The following MAGI2 variants were observed in gnomAD, a reference collection of about 807,000 sequenced individuals.
MAGI2 encodes the protein membrane-associated guanylate kinase, WW and PDZ domain-containing protein 2.
Under a neutral mutation model 133.3 loss-of-function variants are expected in MAGI2, and 35 were observed. The ratio of observed to expected loss-of-function variants is 0.26; its 90% confidence interval spans 0.20 to 0.35. The LOEUF (loss-of-function observed/expected upper bound fraction) is 0.35. MAGI2 is among the 10% of genes least tolerant of loss of function. The pLI, the probability that MAGI2 is intolerant of heterozygous loss-of-function variation, is 1.00. For synonymous variants in MAGI2, 729 were observed against 710.6 expected (o/e 1.03, Z -0.41); for missense variants, 1,636 against 1,863.4 (o/e 0.88, Z 2.25).
chr7:79,204,546 G>A (rs921059782), intron 1 of MAGI2, among the ~76,000 whole-genome samples: 2 of 151,964 alleles, frequency 1.3e-5, no homozygotes, highest in East Asian at 1.9e-4. Context: ...ATCAACACAT[G>A]ACCACAGGGA....
At chr7:78,114,541 C>T (rs1437406058) in intron 20 of MAGI2, among the ~76,000 whole-genome samples, 1 of 152,228 alleles carries the variant, frequency 6.6e-6, no homozygotes, top group Non-Finnish European at 1.5e-5. Context: ...CCTCCCCAGT[C>T]CAGGCAAAGC....
At chr7:78,936,043 T>C (rs968257678) in intron 2 of MAGI2, among the ~76,000 whole-genome samples, 1 of 152,104 alleles carries the variant, frequency 6.6e-6, no homozygotes, top group African/African-American at 2.4e-5. Context: ...GTTTCCTCAG[T>C]TGAATCAAAG....
chr7:78,743,045 G>A (rs1430637194), intron 2 of MAGI2, among the ~76,000 whole-genome samples: 2 of 152,210 alleles, frequency 1.3e-5, no homozygotes, highest in Non-Finnish European at 2.9e-5. Context: ...GAGTGATCAT[G>A]AGTCTGAATT....
intron 4 of MAGI2, among the ~76,000 whole-genome samples, chr7:78,502,356 G>T (rs1035665389): frequency 6.6e-6 from 1 of 152,116 alleles, no homozygotes; most frequent in African/African-American, 2.4e-5. Context: ...CATAGACCAA[G>T]AAATATTAGT....
At chr7:78,849,263 G>A (rs958061649) in intron 2 of MAGI2, among the ~76,000 whole-genome samples, 4 of 152,000 alleles carry the variant, frequency 2.6e-5, no homozygotes, top group Non-Finnish European at 4.4e-5. Flanking sequence ...AACAATACAA[G>A]TACTCAGGAT....
intron 20 of MAGI2, among the ~76,000 whole-genome samples, chr7:78,110,554 G>T (rs1819253598): frequency 6.6e-6 from 1 of 152,230 alleles, no homozygotes; most frequent in African/African-American, 2.4e-5. Flanking sequence ...ACATAAGCCT[G>T]CCTTGGGAAT....
At chr7:79,355,934 T>C (rs536813912) in intron 1 of MAGI2, among the ~76,000 whole-genome samples, 5 of 152,342 alleles carry the variant, frequency 3.3e-5, no homozygotes, top group African/African-American at 1.2e-4. Context: ...GATGTCTTTA[T>C]GTATAATCAT....
chr7:78,328,502 A>AACACAC (rs1554346526), intron 9 of MAGI2, among the ~76,000 whole-genome samples: 1,817 of 105,162 alleles, frequency 0.017, 46 homozygotes, highest in African/African-American at 0.041. Context: ...CCAGCTCTAA[A>AACACAC]ACACACACAC....
rs549593178 is a variant in MAGI2, at chr7:79,071,805, C to A, written c.302-64599G>T. Among the ~76,000 whole-genome samples the A allele has an allele frequency of 2.2e-4, 34 of 152,186 alleles. 2 individuals are homozygous for A. Among genetic ancestry groups the A allele is most frequent in the Admixed American group, 2.2e-3 (34 of 15,278 alleles). ...TCAAGCCTCAGCAATGGCAGACACC[C>A]CTCCCCACCATGTTGGAGCCTCCCA... On this transcript the variant is annotated intron_variant, in intron 1 of 21. Transcript: ENST00000354212.
intron 3 of MAGI2, among the ~76,000 whole-genome samples, chr7:78,537,537 C>T (rs1289807111): frequency 6.6e-6 from 1 of 152,092 alleles, no homozygotes; most frequent in African/African-American, 2.4e-5. Context: ...AATTATGGCC[C>T]TTCTTGCAGG....
chr7:78,048,339 G>A (rs763306699), intron 21 of MAGI2, among the ~76,000 whole-genome samples: 1 of 152,168 alleles, frequency 6.6e-6, no homozygotes, highest in Non-Finnish European at 1.5e-5. Context: ...CCCTAGTACT[G>A]AGGTCCTGTG....
intron 3 of MAGI2, among the ~76,000 whole-genome samples, chr7:78,553,104 A>AC (rs1306733245): frequency 8.6e-5 from 13 of 151,600 alleles, no homozygotes; most frequent in African/African-American, 2.9e-4. Flanking sequence ...TAAAAAAAAA[A>AC]AAAACAAACA....
At chr7:78,670,541 T>C (rs1327009849) in intron 2 of MAGI2, among the ~76,000 whole-genome samples, 1 of 152,136 alleles carries the variant, frequency 6.6e-6, no homozygotes, top group African/African-American at 2.4e-5. Context: ...AAGCTACCAA[T>C]GACTTTCTTC....
At chr7:78,471,943 G>A (rs1227406089) in intron 6 of MAGI2, among the ~76,000 whole-genome samples, 1 of 151,770 alleles carries the variant, frequency 6.6e-6, no homozygotes, top group Non-Finnish European at 1.5e-5. Flanking sequence ...AAAAGTAAGG[G>A]GAATTACAGA....
chr7:79,081,929 T>C (rs1157381717), intron 1 of MAGI2, among the ~76,000 whole-genome samples: 1 of 152,106 alleles, frequency 6.6e-6, no homozygotes, highest in African/African-American at 2.4e-5. Flanking sequence ...ATGAATAACG[T>C]TGCTATGAAC....
intron 9 of MAGI2, among the ~76,000 whole-genome samples, chr7:78,317,555 G>A (rs1180765006): frequency 6.6e-6 from 1 of 152,216 alleles, no homozygotes. Flanking sequence ...GCGGCTGTGG[G>A]CGCAGCTTCA....
chr7:78,138,788 T>C (rs1036408948), intron 16 of MAGI2, among the ~76,000 whole-genome samples: 1 of 152,194 alleles, frequency 6.6e-6, no homozygotes, highest in Non-Finnish European at 1.5e-5. Context: ...TGTAAAAGTA[T>C]AATAATCATG....
At chr7:78,693,867 G>A (rs12533269) in intron 2 of MAGI2, among the ~76,000 whole-genome samples, 7,835 of 152,254 alleles carry the variant, frequency 0.051, 282 homozygotes, top group Non-Finnish European at 0.077. Context: ...TCCACGGTGA[G>A]ACTGTCTGCT....
chr7:78,538,020 A>G (rs886372599), intron 3 of MAGI2, among the ~76,000 whole-genome samples: 4 of 152,116 alleles, frequency 2.6e-5, no homozygotes, highest in Admixed American at 6.6e-5. Context: ...TTTTTGTATA[A>G]GGAGAGAGAT....
Sources: allele counts gnomAD v4.1 joint callset (sites outside exome capture counted in the v4.1 genomes callset), GRCh38; gene constraint gnomAD v4.1.1; transcripts MANE v1.5; gene names NCBI Gene and HGNC (gene_info 2026-07-23, HGNC 2026-07-21).